TGFBI: variants seen among roughly 807,000 people sequenced by gnomAD.
TGFBI encodes transforming growth factor beta induced.
Under a neutral mutation model 73.7 loss-of-function variants are expected in TGFBI, and 50 were observed. The observed-to-expected ratio is 0.68, with a 90% CI of 0.54 to 0.86. The LOEUF is 0.86. Ranked by LOEUF, TGFBI falls within the 40% of genes least tolerant of loss-of-function variation. TGFBI has a pLI of 0.00. For synonymous variants in TGFBI, 362 were observed against 360.5 expected, an observed-to-expected ratio of 1.00 and a Z score of -0.05; for missense variants, 839 against 877.0, an observed-to-expected ratio of 0.96 and a Z score of 0.55.
chr5:136,041,660 C>A (rs2107331), intron 2 of TGFBI, among the ~76,000 whole-genome samples: 79,622 of 152,022 alleles, frequency 0.52, 21,477 homozygotes, highest in African/African-American at 0.65. Context: ...TGATTCTATC[C>A]TGAGTTACTC....
chr5:136,038,855 G>A (rs941582471), intron 2 of TGFBI, among the ~76,000 whole-genome samples: 1 of 152,142 alleles, frequency 6.6e-6, no homozygotes, highest in African/African-American at 2.4e-5. Flanking sequence ...GACGAGCAAT[G>A]GATTCTTCCC....
At chr5:136,046,697 G>A in intron 4 of TGFBI, 154 bp from the exon 5 acceptor site, 1 of 1,235,468 alleles carries the variant, frequency 8.1e-7, no homozygotes, top group Non-Finnish European at 1.1e-6. Context: ...TCCCTACTGG[G>A]CAGAAAGACT....
chr5:136,046,777 C>T (rs1751436288), intron 4 of TGFBI, 74 bp from the exon 5 acceptor site: 6 of 1,517,556 alleles, frequency 4.0e-6, no homozygotes, highest in Non-Finnish European at 4.5e-6. Context: ...GAACATGTTT[C>T]CCAGAGTTGC....
Position 136,029,131 on chromosome 5 carries a change from G to T in TGFBI, c.76G>T (p.Ala26Ser), listed in dbSNP as rs1428064869. 2.0e-6 allele frequency: 3 copies of T among 1,524,710 alleles called. No homozygotes were observed. Among genetic ancestry groups the T allele is most frequent in the Non-Finnish European group, 2.6e-6 (3 of 1,142,910 alleles). 94.4% of individuals were successfully genotyped at this position (1,524,710 alleles called of 1,614,324 possible). The change falls in exon 1 of 17, where the codon GCC (alanine) becomes TCC (serine). Residue 26 changes from alanine to serine, a missense_variant. Physicochemically the swap from Ala to Ser is moderately conservative, Grantham distance 99. Transcript: ENST00000442011. ...CCCCGCCGCGACCCTGGCGGGTCCC[G>T]CCAAGTCGCCCTACCAGCTGGTGCT... ...LGPAATLAGPAKSPYQLVLQH... is the reference protein window; with the variant it reads ...LGPAATLAGPSKSPYQLVLQH...
intron 2 of TGFBI, among the ~76,000 whole-genome samples, chr5:136,043,141 C>G (rs989769543): frequency 6.6e-6 from 1 of 152,204 alleles, no homozygotes; most frequent in African/African-American, 2.4e-5. Flanking sequence ...GAGTAGAGGT[C>G]GTGCTCACTC....
rs1236224272 is a variant in TGFBI at position 136,054,831 on chromosome 5, CA to C, written c.1386del (p.Lys462AsnfsTer2). 1 of 1,613,316 alleles carries C rather than the reference CA, an allele frequency of 6.2e-7. No homozygotes were observed. Among genetic ancestry groups the C allele is most frequent in the Non-Finnish European group, 8.5e-7 (1 of 1,179,718 alleles). On this transcript the variant is annotated frameshift_variant, in exon 10 of 17. Transcript: ENST00000442011. LOFTEE classifies it high-confidence loss of function. Reference sequence around the variant, plus strand: ...GACAGACCCTGGAAACTCTGGGCGGCAAAAAACTGAGAGTTTTTGTTTATCG... The same window carrying C: ...GACAGACCCTGGAAACTCTGGGCGGCAAAAACTGAGAGTTTTTGTTTATCG... ...HGQTLETLGG[K>X]KLRVFVYRNS...
rs1319675315 is a variant in TGFBI at position 136,059,172 on chromosome 5, G to A, written c.1761G>A (p.Val587=). Residue 587 remains valine (V), a synonymous_variant, in exon 13 of 17, where the codon GTG becomes GTA. Coordinates refer to ENST00000442011, the MANE Select transcript of TGFBI (RefSeq NM_000358.3). Reference sequence around the variant, plus strand: ...TTAGCGGAGGCATCGGGGCCCTGGTGCGGCTAAAGTCTCTCCAAGGTGACA... The same window carrying A: ...TTAGCGGAGGCATCGGGGCCCTGGTACGGCTAAAGTCTCTCCAAGGTGACA... ...ILVSGGIGAL[V]RLKSLQGDKL... The A allele has an allele frequency of 1.9e-6, 3 of 1,610,634 alleles. No individual in the cohort carries two copies. The highest frequency in any genetic ancestry group is 1.7e-5 in the Admixed American group (1 of 59,652).
chr5:136,047,562 C>T, intron 6 of TGFBI, 142 bp downstream of exon 6: 2 of 955,848 alleles, frequency 2.1e-6, no homozygotes, highest in Non-Finnish European at 3.2e-6. Context: ...TGCCCTTGAA[C>T]ATGGAGAATT....
intron 3 of TGFBI, among the ~76,000 whole-genome samples, chr5:136,044,566 A>G (rs1469780558): frequency 6.6e-6 from 1 of 152,218 alleles, no homozygotes; most frequent in African/African-American, 2.4e-5. Flanking sequence ...AGCCATCCCC[A>G]TCTCCCTCTG....
At chr5:136,044,515 G>A (rs1415764704) in intron 3 of TGFBI, among the ~76,000 whole-genome samples, 1 of 152,252 alleles carries the variant, frequency 6.6e-6, no homozygotes, top group Non-Finnish European at 1.5e-5. Context: ...AGAGCCGATG[G>A]GATGTGGGAG....
Position 136,054,708 on chromosome 5 carries a change from T to G in TGFBI, c.1265-8T>G. The G allele has an allele frequency of 6.2e-7, 1 of 1,613,982 alleles. No homozygotes were observed. Among genetic ancestry groups the G allele is most frequent in the Non-Finnish European group, 8.5e-7 (1 of 1,179,884 alleles). ...CTCTCTGGACCTAACCATCACCCTT[T>G]CTTGTAGATGGAACCCCTCCAATTG... is the stretch of plus-strand genomic sequence containing the variant. On this transcript the variant is annotated splice_region_variant and splice_polypyrimidine_tract_variant and intron_variant, in intron 9 of 16. Coordinates refer to ENST00000442011, the MANE Select transcript of TGFBI (RefSeq NM_000358.3).
At chr5:136,049,155 G>A (rs1751487012) in intron 6 of TGFBI, 1 of 355,982 alleles carries the variant, frequency 2.8e-6, no homozygotes, top group Admixed American at 4.1e-5. Flanking sequence ...GAGAAGCAAA[G>A]TAAGAGGGAA....
At chr5:136,038,967 A>G (rs1751280729) in intron 2 of TGFBI, among the ~76,000 whole-genome samples, 1 of 152,222 alleles carries the variant, frequency 6.6e-6, no homozygotes, top group South Asian at 2.1e-4. Flanking sequence ...ATCTCAAGCC[A>G]CTAAATTTGT....
intron 12 of TGFBI, 76 bp from the exon 13 acceptor site, chr5:136,059,014 C>T: frequency 6.5e-7 from 1 of 1,533,786 alleles, no homozygotes; most frequent in Non-Finnish European, 8.8e-7. Flanking sequence ...CTTACATCTT[C>T]TCCTCTGGGC....
intron 2 of TGFBI, among the ~76,000 whole-genome samples, chr5:136,040,059 G>A (rs1182099305): frequency 1.3e-5 from 2 of 152,154 alleles, no homozygotes; most frequent in African/African-American, 4.8e-5. Flanking sequence ...AGGCATTTAC[G>A]GCCAGAGCAG....
At position 136,054,790 on chromosome 5, in the gene TGFBI, A is replaced by T. The variant is rs1453112062; in HGVS notation, c.1339A>T (p.Lys447Ter). The change falls in exon 10 of 17, where the codon AAG becomes TAG. Residue 447 changes from lysine to a stop codon, truncating the protein, a stop_gained. Coordinates refer to ENST00000442011, the MANE Select transcript of TGFBI (RefSeq NM_000358.3). LOFTEE classifies it high-confidence loss of function. ...CATAATTAAAGACCAGCTGGCCTCT[A>T]AGTATCTGTACCATGGACAGACCCT... Reference protein sequence around the residue: ...NHIIKDQLASKYLYHGQTLET... With the variant: ...NHIIKDQLAS 6.2e-7 allele frequency: 1 copy of T among 1,613,974 alleles called. No homozygotes were observed. The highest frequency in any genetic ancestry group is 1.1e-5 in the South Asian group (1 of 91,086).
Position 136,049,551 on chromosome 5 carries a change from G to C in TGFBI, c.884G>C (p.Arg295Pro). Residue 295 changes from arginine to proline, a missense_variant, in exon 7 of 17, where the codon CGT becomes CCT. Physicochemically the swap from Arg to Pro is moderately radical, Grantham distance 103. Coordinates refer to ENST00000442011, the MANE Select transcript of TGFBI (RefSeq NM_000358.3). ...AAGATCCCTAGTGAGACTTTGAACC[G>C]TATCCTGGGCGACCCAGAAGCCCTG... ...FEKIPSETLN[R>P]ILGDPEALRD... The C allele has an allele frequency of 6.2e-7, 1 of 1,613,742 alleles. No homozygotes were observed. The highest frequency in any genetic ancestry group is 8.5e-7 in the Non-Finnish European group (1 of 1,179,770).
intron 2 of TGFBI, 50 bp downstream of exon 2, chr5:136,033,911 C>A (rs768438132): frequency 6.8e-7 from 1 of 1,477,386 alleles, no homozygotes; most frequent in Non-Finnish European, 9.4e-7. Context: ...ACGCTGGCTG[C>A]AGTTCCCCAG....
intron 2 of TGFBI, among the ~76,000 whole-genome samples, chr5:136,039,204 C>G (rs1199482062): frequency 6.6e-6 from 1 of 152,196 alleles, no homozygotes; most frequent in Non-Finnish European, 1.5e-5. Flanking sequence ...AAGTGCTTCT[C>G]ATATGTAAGT....
Sources: gnomAD v4.1 joint callset for allele counts (sites outside exome capture counted in the v4.1 genomes callset) on GRCh38, gnomAD v4.1.1 for gene constraint, MANE v1.5 for transcripts, NCBI Gene and HGNC (gene_info 2026-07-23, HGNC 2026-07-21) for gene names.